Variants in MAGI2 observed in about 807,000 individuals in gnomAD.
The protein encoded by MAGI2 is membrane-associated guanylate kinase, WW and PDZ domain-containing protein 2.
Under a neutral mutation model 133.3 loss-of-function variants are expected in MAGI2, and 35 were observed. The ratio of observed to expected loss-of-function variants is 0.26; its 90% CI spans 0.20 to 0.35. The LOEUF (loss-of-function observed/expected upper bound fraction) is 0.35. Among genes scored for constraint, MAGI2 ranks in the 10% least tolerant of loss-of-function variants. MAGI2 has a pLI of 1.00. For synonymous variants in MAGI2, 729 were observed against 710.6 expected (o/e 1.03, Z -0.41); for missense variants, 1,636 against 1,863.4 (o/e 0.88, Z 2.25).
At chr7:78,099,577 C>T (rs900356886) in intron 20 of MAGI2, among the ~76,000 whole-genome samples, 1 of 152,018 alleles carries the variant, frequency 6.6e-6, no homozygotes, top group African/African-American at 2.4e-5. Flanking sequence ...CTGTATAATG[C>T]CATGTGTTAT....
chr7:79,339,364 T>C (rs901919282), intron 1 of MAGI2, among the ~76,000 whole-genome samples: 2 of 152,112 alleles, frequency 1.3e-5, no homozygotes, highest in African/African-American at 2.4e-5. Flanking sequence ...TTTTAGGTAA[T>C]ATACTTTGAC....
chr7:78,464,778 G>A (rs569534763), intron 6 of MAGI2, among the ~76,000 whole-genome samples: 113 of 145,394 alleles, frequency 7.8e-4, no homozygotes, highest in African/African-American at 2.2e-3. Flanking sequence ...AATGTATTTC[G>A]TTAAGCAGGG....
At chr7:78,611,459 G>C (rs1458192510) in intron 3 of MAGI2, among the ~76,000 whole-genome samples, 3 of 152,120 alleles carry the variant, frequency 2.0e-5, no homozygotes, top group African/African-American at 7.2e-5. Flanking sequence ...TGATTTCTAG[G>C]CCTCTATTAC....
At chr7:78,493,056 GT>G (rs1232786439) in intron 5 of MAGI2, among the ~76,000 whole-genome samples, 2 of 152,104 alleles carry the variant, frequency 1.3e-5, no homozygotes, top group Non-Finnish European at 2.9e-5. Flanking sequence ...AGAAACAATG[GT>G]TTATCATATG....
intron 6 of MAGI2, among the ~76,000 whole-genome samples, chr7:78,405,395 A>G (rs959410691): frequency 2.0e-5 from 3 of 152,102 alleles, no homozygotes; most frequent in South Asian, 2.1e-4. Context: ...CTGTCTTTTG[A>G]CCACTTTCTC....
intron 21 of MAGI2, among the ~76,000 whole-genome samples, chr7:78,024,900 ACT>A (rs1808767295): frequency 6.6e-6 from 1 of 151,954 alleles, no homozygotes; most frequent in Non-Finnish European, 1.5e-5. Context: ...ACAAGAACCC[ACT>A]CTTCTTTCAT....
At chr7:79,310,346 C>G (rs1044016806) in intron 1 of MAGI2, among the ~76,000 whole-genome samples, 1 of 151,696 alleles carries the variant, frequency 6.6e-6, no homozygotes, top group African/African-American at 2.4e-5. Flanking sequence ...ATTGAAGCAA[C>G]CAAAAGAGGG....
chr7:78,289,719 AC>A (rs895123860), intron 9 of MAGI2, among the ~76,000 whole-genome samples: 53 of 152,336 alleles, frequency 3.5e-4, no homozygotes, highest in African/African-American at 1.2e-3. Flanking sequence ...ATGTTGGGTT[AC>A]CCACAAAAGG....
chr7:79,305,194 T>A (rs1837687939), intron 1 of MAGI2, among the ~76,000 whole-genome samples: 1 of 152,196 alleles, frequency 6.6e-6, no homozygotes, highest in Non-Finnish European at 1.5e-5. Flanking sequence ...AGTGGCAGCC[T>A]AGTAGAGCAG....
chr7:78,617,382 T>C (rs978577704), intron 3 of MAGI2: 1 of 152,158 alleles, frequency 6.6e-6, no homozygotes, highest in South Asian at 2.1e-4. Context: ...TTTCCTTTCA[T>C]GGAATCAGTT....
At chr7:78,738,951 C>A (rs930130451) in intron 2 of MAGI2, among the ~76,000 whole-genome samples, 1 of 152,046 alleles carries the variant, frequency 6.6e-6, no homozygotes, top group African/African-American at 2.4e-5. Flanking sequence ...CAGCTCAAAG[C>A]AAGAATAAAT....
At chr7:78,561,530 T>C (rs1359897498) in intron 3 of MAGI2, among the ~76,000 whole-genome samples, 1 of 151,944 alleles carries the variant, frequency 6.6e-6, no homozygotes, top group East Asian at 1.9e-4. Context: ...GTAATTGTGG[T>C]TTTTGCAATT....
chr7:78,208,386 G>C (rs1787340944), intron 10 of MAGI2, among the ~76,000 whole-genome samples: 1 of 152,050 alleles, frequency 6.6e-6, no homozygotes, highest in African/African-American at 2.4e-5. Flanking sequence ...CTATATAAAG[G>C]ATAGGTTCAA....
At chr7:78,068,331 C>T (rs1251867073) in intron 21 of MAGI2, among the ~76,000 whole-genome samples, 2 of 152,166 alleles carry the variant, frequency 1.3e-5, no homozygotes, top group Non-Finnish European at 2.9e-5. Context: ...TGCTATGTGG[C>T]CCGGTTCCTA....
At chr7:79,274,483 C>T (rs142133881) in intron 1 of MAGI2, among the ~76,000 whole-genome samples, 244 of 151,984 alleles carry the variant, frequency 1.6e-3, no homozygotes, top group Middle Eastern at 3.4e-3. Context: ...CATGGTTTTC[C>T]GTGAGGAACC....
At chr7:79,255,525 T>C (rs1444377562) in intron 1 of MAGI2, among the ~76,000 whole-genome samples, 2 of 152,244 alleles carry the variant, frequency 1.3e-5, no homozygotes, top group African/African-American at 2.4e-5. Context: ...AATCACACAA[T>C]GATTTAGAGA....
intron 1 of MAGI2, among the ~76,000 whole-genome samples, chr7:79,338,665 C>T (rs1036519634): frequency 3.3e-5 from 5 of 152,108 alleles, no homozygotes; most frequent in African/African-American, 9.7e-5. Flanking sequence ...GATCCTACTG[C>T]TTTCGTCAGA....
At chr7:78,749,114 T>G (rs1823211303) in intron 2 of MAGI2, among the ~76,000 whole-genome samples, 1 of 152,188 alleles carries the variant, frequency 6.6e-6, no homozygotes, top group Non-Finnish European at 1.5e-5. Flanking sequence ...AAAAGCAGTT[T>G]CTGGTTAAAT....
At chr7:78,106,065 T>G (rs1183127145) in intron 20 of MAGI2, among the ~76,000 whole-genome samples, 2 of 152,094 alleles carry the variant, frequency 1.3e-5, no homozygotes, top group African/African-American at 4.8e-5. Context: ...TCTACATGAG[T>G]TCAATTGTTT....
Sources: gnomAD v4.1 joint callset for allele counts (sites outside exome capture counted in the v4.1 genomes callset) on GRCh38, gnomAD v4.1.1 for gene constraint, MANE v1.5 for transcripts, NCBI Gene and HGNC (gene_info 2026-07-23, HGNC 2026-07-21) for gene names.